Variants in ATG4A observed in about 807,000 individuals in gnomAD.
ATG4A encodes the protein cysteine protease ATG4A.
ATG4A carries 22 observed loss-of-function variants against 38.4 expected under a neutral mutation model. The ratio of observed to expected loss-of-function variants is 0.57; its 90% CI spans 0.41 to 0.82. The LOEUF is 0.82. Among genes scored for constraint, ATG4A ranks in the 40% least tolerant of loss-of-function variants. ATG4A has a pLI of 0.00. For synonymous variants in ATG4A, 86 were observed against 100.7 expected (o/e 0.85, Z 0.88); for missense variants, 220 against 290.0 (o/e 0.76, Z 1.75).
intron 1 of ATG4A, among the ~76,000 whole-genome samples, chrX:108,096,465 T>C (rs1363507255): frequency 9.0e-6 from 1 of 111,658 alleles, no homozygotes; most frequent in Non-Finnish European, 1.9e-5. Flanking sequence ...ACTTCTCTAG[T>C]TGATTATGGA....
chrX:108,117,485 G>A (rs1344690771), intron 1 of ATG4A, among the ~76,000 whole-genome samples: 1 of 112,019 alleles, frequency 8.9e-6, no homozygotes, highest in Non-Finnish European at 1.9e-5. Context: ...TTAAGGGCAA[G>A]TAGAACATGA....
At chrX:108,098,160 T>C (rs1433316836) in intron 1 of ATG4A, among the ~76,000 whole-genome samples, 1 of 111,709 alleles carries the variant, frequency 9.0e-6, no homozygotes, top group African/African-American at 3.3e-5. Flanking sequence ...CTCTAATTTT[T>C]TTTAATCCCG....
chrX:108,113,925 A>G (rs946424337), intron 1 of ATG4A, among the ~76,000 whole-genome samples: 2 of 112,320 alleles, frequency 1.8e-5, no homozygotes, highest in Non-Finnish European at 3.8e-5. Flanking sequence ...AGTGTACCAC[A>G]TGGGTGTTGC....
intron 9 of ATG4A, among the ~76,000 whole-genome samples, chrX:108,147,136 G>A (rs2033444564): frequency 9.0e-6 from 1 of 111,526 alleles, no homozygotes; most frequent in South Asian, 3.8e-4. Flanking sequence ...AAGCAAACAG[G>A]GGTGTTGGGG....
intron 1 of ATG4A, among the ~76,000 whole-genome samples, chrX:108,105,241 AG>A (rs2032137798): frequency 9.0e-6 from 1 of 111,673 alleles, no homozygotes; most frequent in African/African-American, 3.3e-5. Context: ...GGCTTTGTAC[AG>A]GGAAAGACCC....
chrX:108,128,709 T>C, intron 2 of ATG4A, 72 bp from the exon 3 acceptor site: 1 of 661,146 alleles, frequency 1.5e-6, no homozygotes, highest in Non-Finnish European at 2.2e-6. Context: ...ATTAAGTTAG[T>C]AGCTGGCTCA....
At chrX:108,153,133 C>T (rs771956157) in intron 12 of ATG4A, 46 bp downstream of exon 12, 1 of 946,873 alleles carries the variant, frequency 1.1e-6, no homozygotes, top group South Asian at 2.1e-5. Context: ...CCACATATAG[C>T]AGTTGTTTTA....
intron 9 of ATG4A, among the ~76,000 whole-genome samples, chrX:108,140,913 CATATACATATATACATAT>C (rs2033230114): frequency 2.5e-5 from 2 of 80,715 alleles, no homozygotes; most frequent in East Asian, 3.5e-4. Context: ...ATTACATGTA[CATATACATATATACATAT>C]ATATACATAT....
At chrX:108,108,636 C>T (rs1455209807) in intron 1 of ATG4A, among the ~76,000 whole-genome samples, 7 of 109,975 alleles carry the variant, frequency 6.4e-5, no homozygotes, top group South Asian at 3.8e-4. Context: ...TAAATTTTAC[C>T]GTCTTGATCG....
chrX:108,137,920 C>A lies in ATG4A; in HGVS notation c.664C>A (p.Pro222Thr). 1 of 1,208,542 alleles carries A rather than the reference C, an allele frequency of 8.3e-7. No individual in the cohort carries two copies. Among genetic ancestry groups the A allele is most frequent in the Non-Finnish European group, 1.1e-6 (1 of 894,212 alleles). The change falls in exon 8 of 13, where the codon CCC becomes ACC. Residue 222 changes from proline (P) to threonine (T), a missense_variant. Physicochemically the swap from Pro to Thr is conservative, Grantham distance 38 (BLOSUM62 -1). Transcript: ENST00000372232. Reference protein sequence around the residue: ...GTSAYCSAWKPLLLIVPLRLG... With the variant: ...GTSAYCSAWKTLLLIVPLRLG... Reference sequence around the variant, plus strand: ...CTCTGCCTACTGCTCAGCCTGGAAACCCCTGCTGCTCATTGTGCCCCTTCG... The same window carrying A: ...CTCTGCCTACTGCTCAGCCTGGAAAACCCTGCTGCTCATTGTGCCCCTTCG...
rs756492011 is a variant in ATG4A, at chrX:108,134,417, TAA to T, written c.467+9_467+10del. 4,928 of 1,201,159 alleles carry T rather than the reference TAA, an allele frequency of 4.1e-3. 6 individuals carry two copies. The highest frequency in any genetic ancestry group is 5.0e-3 in the Non-Finnish European group (4,412 of 889,240). ...ACAGTTGCACAGGTGTTAAAGTAAG[TAA>T]AAGAGTCTGGCATCTGCCTTATTCT... On this transcript the variant is annotated splice_region_variant and intron_variant, in intron 6 of 12. Transcript: ENST00000372232.
At chrX:108,089,676 T>C (rs1445056646), upstream of ATG4A, among the ~76,000 whole-genome samples, 3 of 109,585 alleles carry the variant, frequency 2.7e-5, no homozygotes, top group Non-Finnish European at 3.8e-5. Flanking sequence ...CTACTAAAAA[T>C]ACAAAAGTTA....
Position 108,153,760 on chromosome X carries a change from A to G in ATG4A, c.*48A>G, listed in dbSNP as rs750589976. ...GGTCTGTCTTCCATCTGGCACCATA[A>G]AAACATGAACTTATTGCATAAAACT... On this transcript the variant is annotated 3_prime_UTR_variant, in exon 13 of 13. Coordinates refer to ENST00000372232, the MANE Select transcript of ATG4A (RefSeq NM_052936.5). The G allele has an allele frequency of 9.3e-7, 1 of 1,077,509 alleles. No homozygotes were observed. Among genetic ancestry groups the G allele is most frequent in the South Asian group, 1.9e-5 (1 of 51,481 alleles). 88.8% of individuals were successfully genotyped at this position (1,077,509 alleles called of 1,213,427 possible). A position where few individuals can be genotyped will look rare whatever the true frequency, so the allele number is the denominator to read the frequency against.
intron 1 of ATG4A, among the ~76,000 whole-genome samples, chrX:108,116,676 C>A: frequency 9.0e-6 from 1 of 111,585 alleles, no homozygotes. Context: ...CTTTAGGGGC[C>A]CCATGAAGTC....
chrX:108,111,397 C>G (rs1217336600), intron 1 of ATG4A, among the ~76,000 whole-genome samples: 2 of 112,266 alleles, frequency 1.8e-5, no homozygotes, highest in African/African-American at 3.2e-5. Flanking sequence ...TAAGCCTTGG[C>G]TGGCTCCTTT....
intron 9 of ATG4A, among the ~76,000 whole-genome samples, chrX:108,146,375 C>T (rs369673804): frequency 2.0e-4 from 22 of 111,838 alleles, no homozygotes; most frequent in African/African-American, 6.2e-4. Flanking sequence ...GAGCTCTACA[C>T]GAGTCAGACT....
At chrX:108,093,289 G>T (rs189353184) in intron 1 of ATG4A, among the ~76,000 whole-genome samples, 47 of 111,882 alleles carry the variant, frequency 4.2e-4, no homozygotes, top group Admixed American at 6.6e-4. Flanking sequence ...GCCTATTCTG[G>T]ACATTTTATA....
At chrX:108,138,239 C>A in intron 9 of ATG4A, 48 bp downstream of exon 9, 1 of 1,109,109 alleles carries the variant, frequency 9.0e-7, no homozygotes, top group Non-Finnish European at 1.2e-6. Context: ...TAGGGGAGGG[C>A]GTGGGGACAA....
chrX:108,098,299 A>G (rs2031895615), intron 1 of ATG4A, among the ~76,000 whole-genome samples: 2 of 112,017 alleles, frequency 1.8e-5, no homozygotes, highest in Admixed American at 9.5e-5. Flanking sequence ...AAAGCACTTT[A>G]TATTTACTCC....
Sources: allele counts gnomAD v4.1 joint callset (sites outside exome capture counted in the v4.1 genomes callset), GRCh38; gene constraint gnomAD v4.1.1; transcripts MANE v1.5; gene names NCBI Gene and HGNC (gene_info 2026-07-23, HGNC 2026-07-21).